Variants in PTPRG observed in about 807,000 individuals in gnomAD.
The protein encoded by PTPRG is receptor-type tyrosine-protein phosphatase gamma.
PTPRG carries 102 observed loss-of-function variants against 165.3 expected under a neutral mutation model. The ratio of observed to expected loss-of-function variants is 0.62; its 90% confidence interval spans 0.53 to 0.73. The LOEUF (loss-of-function observed/expected upper bound fraction) is 0.73. PTPRG is among the 30% of genes least tolerant of loss of function. PTPRG has a pLI of 0.00. For missense variants in PTPRG, 1,866 were observed against 1,861.4 expected, an observed-to-expected ratio of 1.00 and a Z score of -0.05; for synonymous variants, 675 against 669.5, an observed-to-expected ratio of 1.01 and a Z score of -0.13.
rs2036255364 is a variant in PTPRG, at chr3:61,830,575, TTTTTTTTTTTTTTTTG to T, written c.190+81594_190+81609del. Among the ~76,000 whole-genome samples the T allele has an allele frequency of 4.4e-5, 6 of 136,236 alleles. 1 individual carries two copies. The highest frequency in any genetic ancestry group is 1.6e-4 in the African/African-American group (6 of 37,726). The allele number at this position is 136,236 out of a possible 152,430, so 89.4% of individuals were successfully genotyped here. Reference sequence around the variant, plus strand: ...GGTTCTTTTTGTTTTTGTTTTTTTTTTTTTTTTTTTTTTTTGGAGATGGAGTTTCGCTCTTGTTGCC... The same window carrying T: ...GGTTCTTTTTGTTTTTGTTTTTTTTTGAGATGGAGTTTCGCTCTTGTTGCC... On this transcript the variant is annotated intron_variant, in intron 2 of 29. Transcript: ENST00000474889.
chr3:62,181,804 G>T (rs1040817663), intron 8 of PTPRG, among the ~76,000 whole-genome samples: 3 of 152,076 alleles, frequency 2.0e-5, no homozygotes, highest in African/African-American at 7.2e-5. Context: ...TAAATTACAA[G>T]ATCCAGCTGC....
chr3:61,684,127 A>T (rs1175185602), intron 1 of PTPRG, among the ~76,000 whole-genome samples: 2 of 152,188 alleles, frequency 1.3e-5, no homozygotes, highest in African/African-American at 4.8e-5. Context: ...AGGCTATCAG[A>T]GATGTTTCCT....
chr3:61,731,591 C>T (rs993754212), intron 1 of PTPRG, among the ~76,000 whole-genome samples: 1 of 152,052 alleles, frequency 6.6e-6, no homozygotes, highest in South Asian at 2.1e-4. Context: ...TCGTGATCTG[C>T]CCACCTCGGC....
chr3:61,903,200 G>C lies in PTPRG; in HGVS notation c.191-86425G>C, dbSNP rs571552356. Among the ~76,000 whole-genome samples, 13 of 152,194 alleles carry C rather than the reference G, an allele frequency of 8.5e-5. No homozygotes were observed. In the South Asian group the frequency reaches 2.7e-3, roughly 32 times the overall value. ...TTGTGTCCCCCACCATGAACATGCA[G>C]ATTCCCCAGCGAATCCCATGAGCTG... is the stretch of plus-strand genomic sequence containing the variant. On this transcript the variant is annotated intron_variant, in intron 2 of 29. Coordinates refer to ENST00000474889, the MANE Select transcript of PTPRG (RefSeq NM_002841.4).
chr3:61,742,999 C>G, intron 1 of PTPRG: 1 of 1,545,058 alleles, frequency 6.5e-7, no homozygotes, highest in South Asian at 1.1e-5. Context: ...GTTCTTCAAG[C>G]TGATCTGCAA....
chr3:61,965,994 T>A (rs138523560), intron 2 of PTPRG, among the ~76,000 whole-genome samples: 111 of 152,342 alleles, frequency 7.3e-4, no homozygotes, highest in African/African-American at 2.4e-3. Context: ...AACTTTTCTT[T>A]CATGGCAAAA....
At chr3:61,743,145 G>T in intron 1 of PTPRG, 1 of 1,136,310 alleles carries the variant, frequency 8.8e-7, no homozygotes, top group Non-Finnish European at 1.3e-6. Flanking sequence ...GAGCGGGTCT[G>T]GTAATATTTT....
chr3:61,662,251 G>A lies in PTPRG; in HGVS notation c.86-86627G>A, dbSNP rs148868399. On this transcript the variant is annotated intron_variant, in intron 1 of 29. Coordinates refer to ENST00000474889, the MANE Select transcript of PTPRG (RefSeq NM_002841.4). ...AACATAATAAGGTTGAAGTGATAGTGACTTTAGAGACAATATCTCTAAAGA... is the reference window on the plus strand; with the variant it reads ...AACATAATAAGGTTGAAGTGATAGTAACTTTAGAGACAATATCTCTAAAGA... Among the ~76,000 whole-genome samples, 25 of 152,276 alleles carry A rather than the reference G, an allele frequency of 1.6e-4. No homozygotes were observed. In the East Asian group the frequency reaches 4.1e-3, roughly 25 times the overall value.
At chr3:61,880,022 A>G (rs2037842492) in intron 2 of PTPRG, among the ~76,000 whole-genome samples, 1 of 152,208 alleles carries the variant, frequency 6.6e-6, no homozygotes, top group African/African-American at 2.4e-5. Context: ...GGTTCCTTTG[A>G]CAGGTCCCTT....
At chr3:61,593,947 G>A (rs866526559) in intron 1 of PTPRG, among the ~76,000 whole-genome samples, 1 of 152,172 alleles carries the variant, frequency 6.6e-6, no homozygotes, top group South Asian at 2.1e-4. Context: ...CTTAGAGCTT[G>A]GTAAAGCAAT....
intron 5 of PTPRG, among the ~76,000 whole-genome samples, chr3:62,126,650 T>C (rs1443618638): frequency 6.6e-6 from 1 of 152,244 alleles, no homozygotes. Context: ...ACATTTTGCT[T>C]ATCTGTTAGA....
At chr3:61,776,328 T>A (rs2034380645) in intron 2 of PTPRG, among the ~76,000 whole-genome samples, 1 of 152,078 alleles carries the variant, frequency 6.6e-6, no homozygotes, top group South Asian at 2.1e-4. Context: ...GGTTAGATGA[T>A]TTTTTTGACC....
intron 2 of PTPRG, among the ~76,000 whole-genome samples, chr3:61,937,263 G>C (rs1056467278): frequency 3.3e-5 from 5 of 152,148 alleles, no homozygotes; most frequent in African/African-American, 1.2e-4. Flanking sequence ...CACCAGATTT[G>C]GCGTCCCTGG....
At chr3:61,579,038 G>A (rs1255338575) in intron 1 of PTPRG, among the ~76,000 whole-genome samples, 1 of 152,194 alleles carries the variant, frequency 6.6e-6, no homozygotes, top group Non-Finnish European at 1.5e-5. Context: ...AAACTCAGGG[G>A]AGGGCTTCTG....
At chr3:61,672,006 G>T in intron 1 of PTPRG, among the ~76,000 whole-genome samples, 1 of 127,830 alleles carries the variant, frequency 7.8e-6, no homozygotes, top group Non-Finnish European at 1.7e-5. Context: ...TCTCAGACGG[G>T]GCGGTTGCCA....
At chr3:61,665,021 C>T (rs1702770034) in intron 1 of PTPRG, among the ~76,000 whole-genome samples, 2 of 152,240 alleles carry the variant, frequency 1.3e-5, no homozygotes, top group South Asian at 2.1e-4. Context: ...CTATCAGTGT[C>T]ACCCCTGTTT....
chr3:61,794,390 T>G (rs1226539558), intron 2 of PTPRG, among the ~76,000 whole-genome samples: 2 of 152,214 alleles, frequency 1.3e-5, no homozygotes, highest in East Asian at 3.9e-4. Flanking sequence ...TTTTCTGGCA[T>G]TTGGCTCTCC....
chr3:62,113,879 G>T (rs1702761148), intron 5 of PTPRG, among the ~76,000 whole-genome samples: 1 of 152,142 alleles, frequency 6.6e-6, no homozygotes, highest in African/African-American at 2.4e-5. Context: ...ATTCATAGTA[G>T]GTAGCTATTT....
chr3:61,711,596 G>A (rs540803839), intron 1 of PTPRG, among the ~76,000 whole-genome samples: 13 of 152,022 alleles, frequency 8.6e-5, no homozygotes, highest in Admixed American at 2.6e-4. Flanking sequence ...CATATCCTTC[G>A]CCCACTTTTT....
Sources: gnomAD v4.1 joint callset for allele counts (sites outside exome capture counted in the v4.1 genomes callset) on GRCh38, gnomAD v4.1.1 for gene constraint, MANE v1.5 for transcripts, NCBI Gene and HGNC (gene_info 2026-07-23, HGNC 2026-07-21) for gene names.